CNNM2: variants seen among roughly 807,000 people sequenced by gnomAD.
CNNM2 encodes metal transporter CNNM2.
A neutral mutation model predicts 66.9 loss-of-function variants in CNNM2; 12 were observed. That is an observed-to-expected ratio of 0.18 (90% confidence interval 0.11 to 0.29). CNNM2 has a LOEUF of 0.29. Among genes scored for constraint, CNNM2 ranks in the 10% least tolerant of loss-of-function variants. CNNM2 has a pLI of 1.00. For synonymous variants in CNNM2, 557 were observed against 501.8 expected (o/e 1.11, Z -1.47); for missense variants, 705 against 1,167.7 (o/e 0.60, Z 5.77).
At position 103,085,982 on chromosome 10, in the gene CNNM2, T is replaced by C. The variant is rs2065802157; in HGVS notation, c.*8802T>C. ...GGACTTGCTTTCTGCTGTTTCTAGATACCTAGCAGCGCGAGAACTGTGTGA... is the reference window on the plus strand; with the variant it reads ...GGACTTGCTTTCTGCTGTTTCTAGACACCTAGCAGCGCGAGAACTGTGTGA... On this transcript the variant is annotated 3_prime_UTR_variant, in exon 8 of 8. Coordinates refer to ENST00000369878, the MANE Select transcript of CNNM2 (RefSeq NM_017649.5). 6.6e-6 allele frequency: 1 copy of C among 152,330 alleles called. No individual in the cohort carries two copies. Among genetic ancestry groups the C allele is most frequent in the Admixed American group, 6.5e-5 (1 of 15,286 alleles). 9.4% of individuals were successfully genotyped at this position (152,330 alleles called of 1,614,324 possible). A position where few individuals can be genotyped will look rare whatever the true frequency, so the allele number is the denominator to read the frequency against.
rs370709938 is a variant in CNNM2, at chr10:103,089,829, G to T, written c.*12649G>T. 1.9e-6 allele frequency: 3 copies of T among 1,614,092 alleles called. No homozygotes were observed. Among genetic ancestry groups the T allele is most frequent in the African/African-American group, 1.3e-5 (1 of 75,010 alleles). The stretch of plus-strand genomic sequence containing the variant: ...GTCAGTGTCTTTGAAATCCACTGAT[G>T]TGCGGTTCCGGGTGGCAAGAGGAGA... On this transcript the variant is annotated 3_prime_UTR_variant, in exon 8 of 8. Transcript: ENST00000369878.
intron 1 of CNNM2, among the ~76,000 whole-genome samples, chr10:102,971,393 T>C (rs1426617606): frequency 6.6e-6 from 1 of 152,216 alleles, no homozygotes; most frequent in Non-Finnish European, 1.5e-5. Context: ...GTAACATAGA[T>C]AATTTTGTTT....
intron 1 of CNNM2, among the ~76,000 whole-genome samples, chr10:102,929,299 C>T (rs1356591873): frequency 7.9e-5 from 12 of 152,108 alleles, no homozygotes; most frequent in Admixed American, 7.9e-4. Flanking sequence ...GGTGCAGTGG[C>T]TCATGTCTGT....
intron 6 of CNNM2, 36 bp downstream of exon 6, chr10:103,071,875 A>T (rs1359071902): frequency 1.3e-6 from 2 of 1,592,352 alleles, no homozygotes; most frequent in Non-Finnish European, 1.7e-6. Context: ...AATTCTCCTG[A>T]TTGCCTTCCT....
intron 1 of CNNM2, among the ~76,000 whole-genome samples, chr10:103,043,309 G>T (rs1313801808): frequency 6.6e-6 from 1 of 152,112 alleles, no homozygotes; most frequent in Non-Finnish European, 1.5e-5. Context: ...ATATCACGTT[G>T]TTCCTAATTC....
intron 1 of CNNM2, among the ~76,000 whole-genome samples, chr10:103,012,661 T>TA (rs59895631): frequency 2.7e-5 from 4 of 148,974 alleles, no homozygotes; most frequent in Non-Finnish European, 4.5e-5. Flanking sequence ...TTTTTTTTTT[T>TA]AAAGACAAAT....
chr10:102,942,567 T>C (rs1846469121), intron 1 of CNNM2, among the ~76,000 whole-genome samples: 1 of 152,222 alleles, frequency 6.6e-6, no homozygotes, highest in Non-Finnish European at 1.5e-5. Flanking sequence ...CATTCGTCTG[T>C]TGATGGACAT....
intron 6 of CNNM2, among the ~76,000 whole-genome samples, 168 bp downstream of exon 6, chr10:103,072,007 G>C (rs1176374074): frequency 1.3e-5 from 2 of 152,176 alleles, no homozygotes; most frequent in Non-Finnish European, 2.9e-5. Context: ...CTCCAGGAAA[G>C]CATAAGCCAC....
chr10:103,052,755 C>T lies in CNNM2; in HGVS notation c.1766-1574C>T, dbSNP rs142599033. On this transcript the variant is annotated intron_variant, in intron 2 of 7. Transcript: ENST00000369878. ...TCTCGAACTCCTGACCTCAAGTGATCCACCTGCCTTGGCCTTCCAAAGTGC... is the reference window on the plus strand; with the variant it reads ...TCTCGAACTCCTGACCTCAAGTGATTCACCTGCCTTGGCCTTCCAAAGTGC... Among the ~76,000 whole-genome samples the T allele has an allele frequency of 3.6e-3, 544 of 152,306 alleles. 4 individuals carry two copies. Among genetic ancestry groups the T allele is most frequent in the African/African-American group, 0.013 (531 of 41,568 alleles).
At chr10:103,013,301 T>C (rs2064380942) in intron 1 of CNNM2, among the ~76,000 whole-genome samples, 1 of 152,194 alleles carries the variant, frequency 6.6e-6, no homozygotes, top group Non-Finnish European at 1.5e-5. Context: ...ATAAATAGTC[T>C]CTTCTTCACG....
At chr10:103,062,568 T>A (rs1590485136) in intron 4 of CNNM2, among the ~76,000 whole-genome samples, 1 of 152,334 alleles carries the variant, frequency 6.6e-6, no homozygotes, top group African/African-American at 2.4e-5. Flanking sequence ...CTCTTATATA[T>A]AACTATAAAC....
intron 1 of CNNM2, among the ~76,000 whole-genome samples, chr10:103,001,918 A>T (rs1392964221): frequency 2.0e-5 from 3 of 152,062 alleles, no homozygotes; most frequent in Non-Finnish European, 4.4e-5. Flanking sequence ...AATCACTTGA[A>T]TCGGGAGGCA....
intron 1 of CNNM2, among the ~76,000 whole-genome samples, chr10:102,991,995 C>G (rs1705195438): frequency 1.3e-5 from 2 of 152,106 alleles, no homozygotes. Flanking sequence ...TAGCTTTTCT[C>G]TATATACATT....
At chr10:103,013,742 A>G (rs2064389376) in intron 1 of CNNM2, among the ~76,000 whole-genome samples, 1 of 152,252 alleles carries the variant, frequency 6.6e-6, no homozygotes, top group Non-Finnish European at 1.5e-5. Context: ...GCAATGGAAA[A>G]TAAAAAGGGT....
chr10:102,951,340 G>T (rs920123554), intron 1 of CNNM2, among the ~76,000 whole-genome samples: 1 of 151,994 alleles, frequency 6.6e-6, no homozygotes, highest in African/African-American at 2.4e-5. Context: ...GGGATTACAA[G>T]CGTGTGCCAC....
At position 103,089,949 on chromosome 10, in the gene CNNM2, C is replaced by G. The variant is rs1192316466; in HGVS notation, c.*12769C>G. On this transcript the variant is annotated 3_prime_UTR_variant, in exon 8 of 8. Coordinates refer to ENST00000369878, the MANE Select transcript of CNNM2 (RefSeq NM_017649.5). ...CTAGAGGCTCAGAAAGCAGGCAGAGCAAAGTAGCTACTCCCCAAATCCTAA... is the reference window on the plus strand; with the variant it reads ...CTAGAGGCTCAGAAAGCAGGCAGAGGAAAGTAGCTACTCCCCAAATCCTAA... The G allele has an allele frequency of 3.5e-5, 54 of 1,522,980 alleles. No individual in the cohort carries two copies. Among genetic ancestry groups the G allele is most frequent in the Non-Finnish European group, 4.7e-5 (53 of 1,129,098 alleles). 94.3% of individuals were successfully genotyped at this position (1,522,980 alleles called of 1,614,324 possible). A position where few individuals can be genotyped will look rare whatever the true frequency, so the allele number is the denominator to read the frequency against.
At chr10:103,011,176 C>T (rs1460337072) in intron 1 of CNNM2, among the ~76,000 whole-genome samples, 4 of 152,088 alleles carry the variant, frequency 2.6e-5, no homozygotes, top group Admixed American at 1.3e-4. Context: ...GCATTCCGGC[C>T]GGGCACAGTG....
intron 1 of CNNM2, among the ~76,000 whole-genome samples, chr10:102,986,159 G>A (rs897990738): frequency 6.6e-6 from 1 of 152,170 alleles, no homozygotes; most frequent in African/African-American, 2.4e-5. Context: ...AGACTTGAGT[G>A]TGTAAAAGGC....
In CNNM2 at chr10:103,089,045, C is replaced by T. The variant is rs2066064647; in HGVS notation, c.*11865C>T. On this transcript the variant is annotated 3_prime_UTR_variant, in exon 8 of 8. Transcript: ENST00000369878. ...AAACAAACAAAAGGTAATAAGGATA[C>T]TGTCTTTTCCCTCAAAATAGAATCC... 4.6e-6 allele frequency: 1 copy of T among 217,322 alleles called. No homozygotes were observed. The highest frequency in any genetic ancestry group is 9.3e-6 in the Non-Finnish European group (1 of 107,988). 13.5% of individuals were successfully genotyped at this position (217,322 alleles called of 1,614,324 possible). A position where few individuals can be genotyped will look rare whatever the true frequency, so the allele number is the denominator to read the frequency against.
Sources: allele counts gnomAD v4.1 joint callset (sites outside exome capture counted in the v4.1 genomes callset), GRCh38; gene constraint gnomAD v4.1.1; transcripts MANE v1.5; gene names NCBI Gene and HGNC (gene_info 2026-07-23, HGNC 2026-07-21).